Variants in NOC3L observed in about 807,000 individuals in gnomAD.
NOC3L encodes nucleolar complex protein 3 homolog.
Under a neutral mutation model 102.5 loss-of-function variants are expected in NOC3L, and 85 were observed. That is an observed-to-expected ratio of 0.83 (90% CI 0.70 to 0.99). The LOEUF (loss-of-function observed/expected upper bound fraction) is 0.99, where lower values mean the gene tolerates loss of function less well. Ranked by LOEUF, NOC3L falls within the 50% of genes least tolerant of loss-of-function variation. The pLI is 0.00. For missense variants in NOC3L, 878 were observed against 914.9 expected, an observed-to-expected ratio of 0.96 and a Z score of 0.52; for synonymous variants, 303 against 309.4, an observed-to-expected ratio of 0.98 and a Z score of 0.22.
At chr10:94,352,518 C>T in intron 7 of NOC3L, 115 bp from the exon 8 acceptor site, 1 of 700,882 alleles carries the variant, frequency 1.4e-6, no homozygotes, top group East Asian at 2.7e-5. Context: ...AAACAAAAAA[C>T]AAAAAACGCG....
In NOC3L at chr10:94,362,922, C is replaced by T. The variant is rs1434484032; in HGVS notation, c.-84G>A. The T allele has an allele frequency of 1.2e-6, 2 of 1,607,456 alleles. No homozygotes were observed. The highest frequency in any genetic ancestry group is 1.1e-5 in the South Asian group (1 of 90,882). On this transcript the variant is annotated 5_prime_UTR_variant, in exon 1 of 21. Coordinates refer to ENST00000371361, the MANE Select transcript of NOC3L (RefSeq NM_022451.11). The stretch of plus-strand genomic sequence containing the variant: ...AAATCCCGGGGAATGACACACGTGC[C>T]GAAGTCCCTACACTACCAGAGCCGG...
At position 94,353,053 on chromosome 10, in the gene NOC3L, T is replaced by G. The variant is rs2054440378; in HGVS notation, c.701A>C (p.Lys234Thr). 3 of 1,601,992 alleles carry G rather than the reference T, an allele frequency of 1.9e-6. No homozygotes were observed. The highest frequency in any genetic ancestry group is 2.6e-6 in the Non-Finnish European group (3 of 1,176,016). ...AILSDPENNI[K>T]KLKELRSMLM... The stretch of plus-strand genomic sequence containing the variant: ...CATAGAACGTAATTCTTTCAATTTT[T>G]TAATCTGTTAAAGAAATAGCTTATA... Residue 234 changes from lysine to threonine, a missense_variant, in exon 7 of 21, where the codon AAA becomes ACA. Transcript: ENST00000371361.
the NOC3L span, chr10:94,316,795 A>T: frequency 7.0e-7 from 1 of 1,434,496 alleles, no homozygotes; most frequent in Middle Eastern, 1.7e-4. Context: ...GTAACGACTC[A>T]TTATGTGATT....
downstream of NOC3L, chr10:94,328,498 A>G (rs1403613108): frequency 1.3e-5 from 2 of 152,362 alleles, no homozygotes; most frequent in Non-Finnish European, 2.9e-5. Flanking sequence ...CCATACAAAA[A>G]CAGGTGGCAG....
In NOC3L at chr10:94,341,760, A is replaced by T; in HGVS notation, c.1572-15T>A. 6.7e-7 allele frequency: 1 copy of T among 1,489,484 alleles called. No individual in the cohort carries two copies. Among genetic ancestry groups the T allele is most frequent in the Non-Finnish European group, 9.1e-7 (1 of 1,100,430 alleles). The allele number at this position is 1,489,484 out of a possible 1,614,324, so 92.3% of individuals were successfully genotyped here. ...GGTGAGCAAACCTGGAATCAAACAA[A>T]ACAGTTAATCAGTGAACTAAAAGCA... On this transcript the variant is annotated splice_polypyrimidine_tract_variant and intron_variant, in intron 13 of 20. Transcript: ENST00000371361.
the NOC3L span, chr10:94,321,981 G>A: frequency 1.2e-6 from 2 of 1,613,760 alleles, no homozygotes; most frequent in Non-Finnish European, 1.7e-6. Context: ...TTGTCCAAGT[G>A]CATGATGTTT....
intron 8 of NOC3L, 77 bp from the exon 9 acceptor site, chr10:94,350,365 T>C: frequency 7.8e-7 from 1 of 1,289,210 alleles, no homozygotes; most frequent in Non-Finnish European, 1.1e-6. Flanking sequence ...ACAATCAATG[T>C]ACATTTTAAC....
At position 94,337,674 on chromosome 10, in the gene NOC3L, A is replaced by G. The variant is rs1433308375; in HGVS notation, c.2189+103T>C. The G allele has an allele frequency of 4.3e-6, 3 of 693,368 alleles. No individual in the cohort carries two copies. The African/African-American group carries it at 5.4e-5, about 12-fold the overall frequency. The allele number at this position is 693,368 out of a possible 1,614,324, so 43.0% of individuals were successfully genotyped here. On this transcript the variant is annotated intron_variant, in intron 19 of 20. Transcript: ENST00000371361. ...AGACCAATCCAGATACCCAACTGGC[A>G]CTTTACATTTTGTAGTATGTTACTT...
downstream of NOC3L, chr10:94,332,614 T>C (rs900119672): frequency 3.3e-5 from 5 of 151,846 alleles, no homozygotes; most frequent in Non-Finnish European, 5.9e-5. Context: ...CAAATTCACA[T>C]AGGATACTCA....
At chr10:94,352,434 T>C (rs747177439) in intron 7 of NOC3L, 31 bp from the exon 8 acceptor site, 12 of 1,465,776 alleles carry the variant, frequency 8.2e-6, no homozygotes, top group Non-Finnish European at 1.1e-5. Context: ...AATCATTTTT[T>C]AAAATCAGAA....
chr10:94,314,948 A>C, the NOC3L span: 2 of 154,550 alleles, frequency 1.3e-5, no homozygotes, highest in Admixed American at 1.3e-4. Flanking sequence ...CATGTACTTT[A>C]GTGTCCACTA....
At position 94,340,011 on chromosome 10, in the gene NOC3L, T is replaced by A. The variant is rs991962375; in HGVS notation, c.1781-91A>T. On this transcript the variant is annotated intron_variant, in intron 16 of 20. Coordinates refer to ENST00000371361, the MANE Select transcript of NOC3L (RefSeq NM_022451.11). ...CTTCAGATAAACCCAAGATAAACTTTTGTACCTGTCCCAAACCATTTCTCT... is the reference window on the plus strand; with the variant it reads ...CTTCAGATAAACCCAAGATAAACTTATGTACCTGTCCCAAACCATTTCTCT... The A allele has an allele frequency of 6.1e-6, 7 of 1,144,732 alleles. No individual in the cohort carries two copies. In the African/African-American group the frequency reaches 9.3e-5, roughly 15 times the overall value. The allele number at this position is 1,144,732 out of a possible 1,614,324, so 70.9% of individuals were successfully genotyped here.
chr10:94,344,627 A>G, intron 12 of NOC3L, 112 bp from the exon 13 acceptor site: 1 of 735,750 alleles, frequency 1.4e-6, no homozygotes, highest in Non-Finnish European at 2.2e-6. Flanking sequence ...ATCCCTCCCC[A>G]CAATGCAATC....
intron 10 of NOC3L, among the ~76,000 whole-genome samples, chr10:94,348,208 T>C (rs1205617434): frequency 6.6e-6 from 1 of 150,498 alleles, no homozygotes; most frequent in Non-Finnish European, 1.5e-5. Context: ...TCTGTACTCA[T>C]ACCACACATA....
chr10:94,355,942 T>A (rs2054478486), intron 5 of NOC3L, among the ~76,000 whole-genome samples: 1 of 152,198 alleles, frequency 6.6e-6, no homozygotes, highest in Non-Finnish European at 1.5e-5. Context: ...GATGGGTGAC[T>A]GAAAACAGTT....
the NOC3L span, chr10:94,327,986 G>A: frequency 7.5e-6 from 4 of 532,542 alleles, no homozygotes; most frequent in East Asian, 2.2e-4. Context: ...CTTTAAGCAA[G>A]AAGTTAAAGA....
chr10:94,352,488 ACAC>A (rs2054431263), intron 7 of NOC3L, 85 bp from the exon 8 acceptor site: 1 of 835,428 alleles, frequency 1.2e-6, no homozygotes, highest in Non-Finnish European at 1.9e-6. Context: ...TGTCTAGTAT[ACAC>A]CCAGTACTAT....
Position 94,339,798 on chromosome 10 carries a change from G to C in NOC3L, c.1903C>G (p.Leu635Val). 1 of 1,614,102 alleles carries C rather than the reference G, an allele frequency of 6.2e-7. No homozygotes were observed. The highest frequency in any genetic ancestry group is 8.5e-7 in the Non-Finnish European group (1 of 1,179,994). ...AFIKRLCTLA[L>V]HVLPNSSIGI... ...ATACTTGAATTTGGAAGAACATGAA[G>C]AGCAAGGGTACAAAGGCGTTTGATG... Residue 635 changes from leucine (L) to valine (V), a missense_variant, in exon 17 of 21, where the codon CTT (leucine) becomes GTT (valine). Coordinates refer to ENST00000371361, the MANE Select transcript of NOC3L (RefSeq NM_022451.11).
the NOC3L span, among the ~76,000 whole-genome samples, chr10:94,315,824 C>CT: frequency 6.6e-6 from 1 of 151,316 alleles, no homozygotes; most frequent in African/African-American, 2.4e-5. Flanking sequence ...TTGAGTTCAC[C>CT]TAATGTACCC....
Sources: allele counts gnomAD v4.1 joint callset (sites outside exome capture counted in the v4.1 genomes callset), GRCh38; gene constraint gnomAD v4.1.1; transcripts MANE v1.5; gene names NCBI Gene and HGNC (gene_info 2026-07-23, HGNC 2026-07-21).